The following ABHD2 variants were observed in gnomAD, a reference collection of about 807,000 sequenced individuals.
ABHD2 encodes the protein monoacylglycerol lipase ABHD2.
ABHD2 carries 20 observed loss-of-function variants against 48.1 expected under a neutral mutation model. That is an observed-to-expected ratio of 0.42 (90% CI 0.29 to 0.60). The LOEUF is 0.60. Ranked by LOEUF, ABHD2 falls within the 20% of genes least tolerant of loss-of-function variation. The pLI is 0.24. For missense variants in ABHD2, 405 were observed against 550.9 expected, an observed-to-expected ratio of 0.74 and a Z score of 2.65; for synonymous variants, 209 against 214.2, an observed-to-expected ratio of 0.98 and a Z score of 0.21.
At chr15:89,128,208 T>G (rs775401214) in intron 3 of ABHD2, among the ~76,000 whole-genome samples, 3 of 152,240 alleles carry the variant, frequency 2.0e-5, no homozygotes, top group Non-Finnish European at 4.4e-5. Context: ...CTGTGGTGGC[T>G]TGACTGATGA....
In ABHD2 at chr15:89,189,818, T is replaced by C. The variant is rs937110862; in HGVS notation, c.927-1262T>C. ...AAACAAATTAAATTTCCCATTCATC[T>C]CCTAAATTTTTTAAGCCCAGAAGAG... On this transcript the variant is annotated intron_variant, in intron 8 of 10. Transcript: ENST00000352732. This position sits in a 1 kb window ranked among gnomAD's most constrained non-coding sequence, Gnocchi z 4.9. Among the ~76,000 whole-genome samples, 2 of 152,150 alleles carry C rather than the reference T, an allele frequency of 1.3e-5. No individual in the cohort carries two copies. The highest frequency in any genetic ancestry group is 4.8e-5 in the African/African-American group (2 of 41,422).
chr15:89,071,072 G>A, the ABHD2 span, among the ~76,000 whole-genome samples: 4 of 152,162 alleles, frequency 2.6e-5, no homozygotes, highest in East Asian at 5.8e-4. Flanking sequence ...AACCTCAGTA[G>A]GGAAGGCACC....
At chr15:89,061,328 G>C in the ABHD2 span, among the ~76,000 whole-genome samples, 8 of 152,034 alleles carry the variant, frequency 5.3e-5, no homozygotes, top group African/African-American at 1.7e-4. Context: ...TGAGGCACGA[G>C]AATTGCTTGA....
the ABHD2 span, among the ~76,000 whole-genome samples, chr15:89,049,716 C>G: frequency 2.6e-5 from 4 of 152,240 alleles, no homozygotes; most frequent in East Asian, 7.7e-4. Context: ...CTTGCACTTC[C>G]CAAGTAAGGC....
At position 89,147,179 on chromosome 15, in the gene ABHD2, A is replaced by G. The variant is rs542307622; in HGVS notation, c.195-4498A>G. On this transcript the variant is annotated intron_variant, in intron 3 of 10. Transcript: ENST00000352732. Reference sequence around the variant, plus strand: ...ACTGAAAGTAGGGAAACGATAGGCCATTCATTGTGCAAGGACAATGAGCTA... The same window carrying G: ...ACTGAAAGTAGGGAAACGATAGGCCGTTCATTGTGCAAGGACAATGAGCTA... 1.6e-4 allele frequency among the ~76,000 whole-genome samples: 24 copies of G among 152,334 alleles called. No homozygotes were observed. In the South Asian group the frequency reaches 3.7e-3, roughly 24 times the overall value.
intron 1 of ABHD2, among the ~76,000 whole-genome samples, chr15:89,109,152 G>T (rs1319516404): frequency 1.3e-5 from 2 of 152,172 alleles, no homozygotes; most frequent in Admixed American, 6.6e-5. Context: ...TGAAAATAAT[G>T]CTTTTAGCCA....
intron 6 of ABHD2, among the ~76,000 whole-genome samples, chr15:89,180,429 T>G (rs537457572): frequency 6.6e-6 from 1 of 152,298 alleles, no homozygotes; most frequent in South Asian, 2.1e-4. Flanking sequence ...TTCTGCCCCA[T>G]CCTTCCACCC....
rs911988104 is a variant in ABHD2 at position 89,173,248 on chromosome 15, G to A, written c.539-2564G>A. On this transcript the variant is annotated intron_variant, in intron 5 of 10. Coordinates refer to ENST00000352732, the MANE Select transcript of ABHD2 (RefSeq NM_152924.5). The surrounding 1 kb of genome is among the most constrained non-coding windows in gnomAD (Gnocchi z 6.5). ...TTTTGAAATCCAGCATTCCCTGGAG[G>A]CATAATATTCCTTCCATTGCTACCT... Among the ~76,000 whole-genome samples, 1 of 152,196 alleles carries A rather than the reference G, an allele frequency of 6.6e-6. No individual in the cohort carries two copies. Among genetic ancestry groups the A allele is most frequent in the Non-Finnish European group, 1.5e-5 (1 of 68,038 alleles).
chr15:89,136,343 G>C (rs1224051002), intron 3 of ABHD2: 3 of 518,770 alleles, frequency 5.8e-6, no homozygotes, highest in African/African-American at 1.9e-5. Flanking sequence ...TAGTAGGCAT[G>C]GTCTTCCACC....
the ABHD2 span, among the ~76,000 whole-genome samples, chr15:89,077,338 G>C: frequency 6.6e-6 from 1 of 152,224 alleles, no homozygotes; most frequent in Non-Finnish European, 1.5e-5. Flanking sequence ...ATGCTGCATA[G>C]TATTCCATTG....
At chr15:89,060,092 T>C in the ABHD2 span, among the ~76,000 whole-genome samples, 1 of 145,352 alleles carries the variant, frequency 6.9e-6, no homozygotes, top group East Asian at 2.0e-4. Context: ...CCTTTTTTTT[T>C]TTTTTTTTTT....
Position 89,201,428 on chromosome 15 carries a change from T to C in ABHD2, c.*6005T>C. The C allele has an allele frequency of 7.7e-7, 1 of 1,296,422 alleles. No individual in the cohort carries two copies. 80.3% of individuals were successfully genotyped at this position (1,296,422 alleles called of 1,614,324 possible). A position where few individuals can be genotyped will look rare whatever the true frequency, so the allele number is the denominator to read the frequency against. ...CAATTTATCATTTTCATTGGGGATC[T>C]CCATTTGGAATCCATTAATTCATGA... On this transcript the variant is annotated 3_prime_UTR_variant, in exon 11 of 11. Coordinates refer to ENST00000352732, the MANE Select transcript of ABHD2 (RefSeq NM_152924.5).
chr15:89,160,914 G>A lies in ABHD2; in HGVS notation c.538+5380G>A, dbSNP rs140030283. ...AAGTAGTTATTGGTGGTGAACTCTC[G>A]CACAGTTTATCACAATTTCTGAAGG... On this transcript the variant is annotated intron_variant, in intron 5 of 10. Transcript: ENST00000352732. 4.5e-3 allele frequency among the ~76,000 whole-genome samples: 683 copies of A among 152,290 alleles called. 7 individuals are homozygous for A. The highest frequency in any genetic ancestry group is 0.015 in the African/African-American group (633 of 41,554).
rs781172900 is a variant in ABHD2, at chr15:89,184,847, G to A, written c.723-577G>A. Among the ~76,000 whole-genome samples, 1 of 152,204 alleles carries A rather than the reference G, an allele frequency of 6.6e-6. No individual in the cohort carries two copies. The highest frequency in any genetic ancestry group is 1.5e-5 in the Non-Finnish European group (1 of 68,028). On this transcript the variant is annotated intron_variant, in intron 6 of 10. Coordinates refer to ENST00000352732, the MANE Select transcript of ABHD2 (RefSeq NM_152924.5). This position sits in a 1 kb window ranked among gnomAD's most constrained non-coding sequence, Gnocchi z 5.1. ...CAGCCCCACCAGCTGTGCCTACAAAGGGTTAAGGGCCTGTCTACTTCCACT... is the reference window on the plus strand; with the variant it reads ...CAGCCCCACCAGCTGTGCCTACAAAAGGTTAAGGGCCTGTCTACTTCCACT...
At chr15:89,051,972 A>G in the ABHD2 span, among the ~76,000 whole-genome samples, 5 of 152,188 alleles carry the variant, frequency 3.3e-5, no homozygotes, top group African/African-American at 1.2e-4. Flanking sequence ...GAGCCACAGG[A>G]GAATATATTC....
chr15:89,186,242 C>G lies in ABHD2; in HGVS notation c.815+726C>G, dbSNP rs1420991279. ...GGCATGGTTTCGGCGCCTCCCTGCT[C>G]GGAGTTTGAGCCTCTCCTTATTCTT... On this transcript the variant is annotated intron_variant, in intron 7 of 10. Coordinates refer to ENST00000352732, the MANE Select transcript of ABHD2 (RefSeq NM_152924.5). The surrounding 1 kb of genome is among the most constrained non-coding windows in gnomAD (Gnocchi z 4.3). Among the ~76,000 whole-genome samples the G allele has an allele frequency of 6.6e-6, 1 of 152,176 alleles. No individual in the cohort carries two copies. Among genetic ancestry groups the G allele is most frequent in the Admixed American group, 6.5e-5 (1 of 15,276 alleles).
intron 4 of ABHD2, among the ~76,000 whole-genome samples, chr15:89,152,645 G>A (rs926642318): frequency 2.6e-5 from 4 of 152,090 alleles, no homozygotes; most frequent in Non-Finnish European, 5.9e-5. Context: ...GATAGCAGTA[G>A]ATTAAAAGGC....
At chr15:89,058,732 A>T in the ABHD2 span, among the ~76,000 whole-genome samples, 625 of 152,218 alleles carry the variant, frequency 4.1e-3, 7 homozygotes, top group African/African-American at 0.014. Context: ...ATGTCCAATG[A>T]TTGGCAGCAG....
chr15:89,163,042 A>C (rs1468610322), intron 5 of ABHD2, among the ~76,000 whole-genome samples: 1 of 152,230 alleles, frequency 6.6e-6, no homozygotes, highest in Non-Finnish European at 1.5e-5. Context: ...CCTTAGGCAC[A>C]TTGCCTCTCT....
Sources: gnomAD v4.1 joint callset for allele counts (sites outside exome capture counted in the v4.1 genomes callset) on GRCh38, gnomAD v4.1.1 for gene constraint, Gnocchi (gnomAD v3.1) non-coding constraint, MANE v1.5 for transcripts, NCBI Gene and HGNC (gene_info 2026-07-23, HGNC 2026-07-21) for gene names.